The following CDH4 variants were observed in gnomAD, a reference collection of about 807,000 sequenced individuals.
CDH4 encodes the protein cadherin 4, also known as cadherin-4.
CDH4 carries 33 observed loss-of-function variants against 86.0 expected under a neutral mutation model. That is an observed-to-expected ratio of 0.38 (90% CI 0.29 to 0.51). The LOEUF (loss-of-function observed/expected upper bound fraction) is 0.51, where lower values mean the gene tolerates loss of function less well. Ranked by LOEUF, CDH4 falls within the 20% of genes least tolerant of loss-of-function variation. The probability of loss-of-function intolerance (pLI) is 0.86; values close to 1 mark genes in which losing one functional copy is unlikely to be tolerated. For missense variants in CDH4, 1,114 were observed against 1,307.4 expected (o/e 0.85, Z 2.28); for synonymous variants, 555 against 549.4 (o/e 1.01, Z -0.14).
At chr20:61,795,820 A>C (rs6061824) in intron 4 of CDH4, among the ~76,000 whole-genome samples, 1 of 116,316 alleles carries the variant, frequency 8.6e-6, no homozygotes, top group Non-Finnish European at 2.0e-5. Flanking sequence ...GACAGAAGCA[A>C]TGTTGCATGA....
chr20:61,393,046 C>G lies in CDH4; in HGVS notation c.169+138109C>G, dbSNP rs563557285. Among the ~76,000 whole-genome samples the G allele has an allele frequency of 3.3e-5, 5 of 152,134 alleles. No homozygotes were observed. The highest frequency in any genetic ancestry group is 7.4e-5 in the Non-Finnish European group (5 of 68,024). ...AGGACAGAGCAGCTGCGGGGCCCCT[C>G]GGTGATCAGGGCCGTTTATTTTCCT... is the stretch of plus-strand genomic sequence containing the variant. On this transcript the variant is annotated intron_variant, in intron 2 of 15. Coordinates refer to ENST00000614565, the MANE Select transcript of CDH4 (RefSeq NM_001794.5). This position sits in a 1 kb window ranked among gnomAD's most constrained non-coding sequence, Gnocchi z 4.3.
At chr20:61,602,694 T>TAAAAAAAAAAA (rs10641053) in intron 2 of CDH4, among the ~76,000 whole-genome samples, 3 of 89,128 alleles carry the variant, frequency 3.4e-5, no homozygotes, top group African/African-American at 4.4e-5. Context: ...TTCACTTTAT[T>TAAAAAAAAAAA]AAAAAAAAAA....
At chr20:61,686,804 T>C (rs551818498) in intron 2 of CDH4, among the ~76,000 whole-genome samples, 1 of 152,334 alleles carries the variant, frequency 6.6e-6, no homozygotes, top group East Asian at 1.9e-4. Context: ...CATGTCCACT[T>C]GCATGCATGT....
intron 3 of CDH4, among the ~76,000 whole-genome samples, chr20:61,768,417 G>A (rs151218911): frequency 1.7e-3 from 261 of 152,202 alleles, no homozygotes; most frequent in African/African-American, 6.0e-3. Flanking sequence ...ACACATGTGC[G>A]CATGTGTACT....
intron 4 of CDH4, among the ~76,000 whole-genome samples, chr20:61,804,410 C>T (rs1980013139): frequency 6.6e-6 from 1 of 152,204 alleles, no homozygotes; most frequent in Non-Finnish European, 1.5e-5. Flanking sequence ...CTCCGCCGTC[C>T]AGCCTCTGCA....
intron 2 of CDH4, among the ~76,000 whole-genome samples, chr20:61,335,715 C>T (rs1361889947): frequency 6.6e-6 from 1 of 152,180 alleles, no homozygotes; most frequent in Non-Finnish European, 1.5e-5. Flanking sequence ...ATGCGCCCCA[C>T]CTGAACACTT....
chr20:61,580,697 T>C (rs750396588), intron 2 of CDH4, among the ~76,000 whole-genome samples: 7 of 152,086 alleles, frequency 4.6e-5, no homozygotes, highest in Non-Finnish European at 7.4e-5. Context: ...ATCCGTGTTA[T>C]GGAAGGCTCT....
chr20:61,368,404 A>G (rs914178188), intron 2 of CDH4, among the ~76,000 whole-genome samples: 2 of 152,334 alleles, frequency 1.3e-5, no homozygotes, highest in African/African-American at 4.8e-5. Flanking sequence ...AGGTGAGGAC[A>G]CAGCAGAAAG....
chr20:61,385,749 C>T (rs774361634), intron 2 of CDH4, among the ~76,000 whole-genome samples: 20 of 152,146 alleles, frequency 1.3e-4, no homozygotes, highest in Non-Finnish European at 2.2e-4. Context: ...TTTCCACCAA[C>T]GGGAATCACC....
intron 2 of CDH4, among the ~76,000 whole-genome samples, chr20:61,390,471 A>G (rs56740719): frequency 6.8e-3 from 353 of 51,580 alleles, no homozygotes; most frequent in African/African-American, 0.02. Flanking sequence ...TTGGGTTCGT[A>G]CAGTCATAGG....
chr20:61,735,100 G>T (rs2088245752), intron 2 of CDH4, among the ~76,000 whole-genome samples: 1 of 152,110 alleles, frequency 6.6e-6, no homozygotes, highest in African/African-American at 2.4e-5. Flanking sequence ...GAGGGACCCT[G>T]CCCTGGGCTG....
intron 2 of CDH4, among the ~76,000 whole-genome samples, chr20:61,515,488 T>G (rs1210023022): frequency 6.6e-6 from 1 of 152,196 alleles, no homozygotes; most frequent in Non-Finnish European, 1.5e-5. Flanking sequence ...AAGGATGGTG[T>G]GGGGCTTTTC....
chr20:61,579,285 A>ATTTTT (rs11483950), intron 2 of CDH4, among the ~76,000 whole-genome samples: 1 of 129,572 alleles, frequency 7.7e-6, no homozygotes, highest in African/African-American at 2.9e-5. Flanking sequence ...CTCGATGGAG[A>ATTTTT]TTTTTTTTTT....
chr20:61,508,039 G>T (rs1376147128), intron 2 of CDH4, among the ~76,000 whole-genome samples: 1 of 152,222 alleles, frequency 6.6e-6, no homozygotes, highest in Non-Finnish European at 1.5e-5. Context: ...GCACTGTCGT[G>T]CAGAGTGAGA....
intron 2 of CDH4, among the ~76,000 whole-genome samples, chr20:61,367,740 A>G (rs369050884): frequency 1.3e-5 from 2 of 152,190 alleles, no homozygotes; most frequent in South Asian, 4.1e-4. Flanking sequence ...TCACCATTTG[A>G]CAAGCATCAT....
chr20:61,455,802 T>C (rs1329845435), intron 2 of CDH4, among the ~76,000 whole-genome samples: 2 of 152,130 alleles, frequency 1.3e-5, no homozygotes, highest in East Asian at 3.9e-4. Context: ...TCGAGGACGC[T>C]GTGTATGGTC....
intron 4 of CDH4, among the ~76,000 whole-genome samples, chr20:61,815,976 C>T (rs557115576): frequency 5.9e-5 from 9 of 152,318 alleles, no homozygotes; most frequent in African/African-American, 2.2e-4. Flanking sequence ...AGCAATTTCA[C>T]TTGGCCTCGG....
intron 2 of CDH4, among the ~76,000 whole-genome samples, chr20:61,546,811 T>C (rs1278714586): frequency 2.6e-5 from 4 of 152,266 alleles, no homozygotes; most frequent in Non-Finnish European, 5.9e-5. Context: ...AGGAACGGGT[T>C]GGCTGGCTGG....
At chr20:61,356,959 C>T (rs1236138216) in intron 2 of CDH4, among the ~76,000 whole-genome samples, 1 of 152,164 alleles carries the variant, frequency 6.6e-6, no homozygotes, top group Non-Finnish European at 1.5e-5. Flanking sequence ...TCAAAGGCAG[C>T]CCATGTGCTA....
Sources: gnomAD v4.1 joint callset for allele counts (sites outside exome capture counted in the v4.1 genomes callset) on GRCh38, gnomAD v4.1.1 for gene constraint, Gnocchi (gnomAD v3.1) non-coding constraint, MANE v1.5 for transcripts, NCBI Gene and HGNC (gene_info 2026-07-23, HGNC 2026-07-21) for gene names.